LIPC: variants seen among roughly 807,000 people sequenced by gnomAD.
The protein encoded by LIPC is hepatic triacylglycerol lipase.
Under a neutral mutation model 50.7 loss-of-function variants are expected in LIPC, and 44 were observed. The ratio of observed to expected loss-of-function variants is 0.87; its 90% CI spans 0.68 to 1.11. The LOEUF (loss-of-function observed/expected upper bound fraction) is 1.11, where lower values mean the gene tolerates loss of function less well. Among genes scored for constraint, LIPC ranks in the 50% most tolerant of loss-of-function variants. The probability of loss-of-function intolerance (pLI) is 0.00; values close to 1 mark genes in which losing one functional copy is unlikely to be tolerated. For synonymous variants in LIPC, 271 were observed against 256.4 expected (o/e 1.06, Z -0.54); for missense variants, 697 against 648.2 (o/e 1.08, Z -0.82).
chr15:58,447,249 A>G (rs1326147696), intron 1 of LIPC, among the ~76,000 whole-genome samples: 1 of 151,432 alleles, frequency 6.6e-6, no homozygotes, highest in African/African-American at 2.4e-5. Context: ...CCAGAGACCC[A>G]GGTGACCTAG....
intron 1 of LIPC, among the ~76,000 whole-genome samples, chr15:58,437,116 T>A (rs1174722731): frequency 6.6e-6 from 1 of 152,118 alleles, no homozygotes. Context: ...GCAATAATGA[T>A]GAAGTTCAGA....
intron 1 of LIPC, among the ~76,000 whole-genome samples, chr15:58,452,150 C>T (rs1380940889): frequency 6.6e-6 from 1 of 152,156 alleles, no homozygotes; most frequent in Non-Finnish European, 1.5e-5. Flanking sequence ...CACAGTGATT[C>T]TCAAATTGTG....
intron 1 of LIPC, among the ~76,000 whole-genome samples, chr15:58,482,484 T>C (rs1279142440): frequency 6.6e-6 from 1 of 152,192 alleles, no homozygotes; most frequent in Non-Finnish European, 1.5e-5. Flanking sequence ...CTAACCTCTC[T>C]AGGTCTTATG....
At chr15:58,439,472 C>A (rs1235133374) in intron 1 of LIPC, among the ~76,000 whole-genome samples, 1 of 152,180 alleles carries the variant, frequency 6.6e-6, no homozygotes, top group Non-Finnish European at 1.5e-5. Flanking sequence ...GAGACGGAGT[C>A]TTGCTCTGTC....
chr15:58,563,440 T>C (rs1894236773), intron 7 of LIPC, 65 bp from the exon 8 acceptor site: 1 of 1,318,848 alleles, frequency 7.6e-7, no homozygotes, highest in African/African-American at 1.4e-5. Flanking sequence ...ATCCTGAATG[T>C]GTGTGACCGT....
chr15:58,475,224 C>T (rs1344267214), intron 1 of LIPC, among the ~76,000 whole-genome samples: 1 of 152,194 alleles, frequency 6.6e-6, no homozygotes, highest in Non-Finnish European at 1.5e-5. Flanking sequence ...GGCCTGTGCT[C>T]CCACAACAAC....
At chr15:58,461,582 ATT>A (rs34329800) in intron 1 of LIPC, among the ~76,000 whole-genome samples, 3 of 141,064 alleles carry the variant, frequency 2.1e-5, no homozygotes, top group African/African-American at 5.3e-5. Context: ...CTAATTTTTG[ATT>A]TTTTTTTTTT....
At chr15:58,542,799 A>C (rs1595936203) in intron 4 of LIPC, 148 bp downstream of exon 4, 2 of 650,186 alleles carry the variant, frequency 3.1e-6, no homozygotes, top group East Asian at 5.8e-5. Flanking sequence ...ACATTCTTTC[A>C]AACATGACCA....
At chr15:58,451,090 G>A (rs1269323370) in intron 1 of LIPC, among the ~76,000 whole-genome samples, 2 of 152,168 alleles carry the variant, frequency 1.3e-5, no homozygotes, top group East Asian at 1.9e-4. Flanking sequence ...AAAGCCTAGT[G>A]GACTGGGCAA....
chr15:58,504,518 A>G (rs754292070), intron 1 of LIPC, among the ~76,000 whole-genome samples: 1 of 152,194 alleles, frequency 6.6e-6, no homozygotes, highest in African/African-American at 2.4e-5. Context: ...AGCACTCAAC[A>G]GGCCAAAACA....
chr15:58,470,404 GAAGT>G (rs1347947211), intron 1 of LIPC, among the ~76,000 whole-genome samples: 18 of 151,834 alleles, frequency 1.2e-4, no homozygotes, highest in African/African-American at 3.9e-4. Context: ...TGAAGTTTTT[GAAGT>G]AAAAAGCATT....
chr15:58,512,695 T>G (rs1411177386), intron 1 of LIPC, among the ~76,000 whole-genome samples: 1 of 152,094 alleles, frequency 6.6e-6, no homozygotes, highest in African/African-American at 2.4e-5. Context: ...GGTCAGAGCT[T>G]CAGCAGACAG....
At chr15:58,435,746 C>G (rs1479559102) in intron 1 of LIPC, 2 of 152,166 alleles carry the variant, frequency 1.3e-5, no homozygotes, top group East Asian at 3.9e-4. Context: ...GCCATCTCTA[C>G]TAAAAATACA....
intron 7 of LIPC, among the ~76,000 whole-genome samples, chr15:58,562,129 T>G (rs1331946552): frequency 6.6e-6 from 1 of 152,212 alleles, no homozygotes; most frequent in Non-Finnish European, 1.5e-5. Flanking sequence ...AAATATTTGG[T>G]GCTTCAGAAA....
intron 1 of LIPC, among the ~76,000 whole-genome samples, chr15:58,442,128 T>A (rs1459728789): frequency 6.6e-6 from 1 of 152,204 alleles, no homozygotes; most frequent in Non-Finnish European, 1.5e-5. Context: ...CCTCCTTACC[T>A]CTGATCTCTC....
intron 1 of LIPC, among the ~76,000 whole-genome samples, chr15:58,509,004 C>T (rs1892250582): frequency 6.6e-6 from 1 of 152,170 alleles, no homozygotes; most frequent in African/African-American, 2.4e-5. Flanking sequence ...AAACCTTATA[C>T]AGTAGCTCTT....
intron 1 of LIPC, among the ~76,000 whole-genome samples, chr15:58,462,897 T>G (rs1011671397): frequency 6.6e-6 from 1 of 152,208 alleles, no homozygotes; most frequent in African/African-American, 2.4e-5. Context: ...GCAGAGTTAT[T>G]GGCGGAGTTA....
chr15:58,434,944 C>T (rs574813769), intron 1 of LIPC: 5 of 152,202 alleles, frequency 3.3e-5, no homozygotes, highest in Admixed American at 6.5e-5. Context: ...ACCTGCCATA[C>T]GTAACGCAGT....
At chr15:58,552,302 G>A (rs756722551) in intron 6 of LIPC, among the ~76,000 whole-genome samples, 10 of 152,188 alleles carry the variant, frequency 6.6e-5, no homozygotes, top group Admixed American at 1.3e-4. Flanking sequence ...ACAGAGACAC[G>A]GTCAGGGCAA....
Sources: gnomAD v4.1 joint callset for allele counts (sites outside exome capture counted in the v4.1 genomes callset) on GRCh38, gnomAD v4.1.1 for gene constraint, MANE v1.5 for transcripts, NCBI Gene and HGNC (gene_info 2026-07-23, HGNC 2026-07-21) for gene names.